Variants in GMDS observed in about 807,000 individuals in gnomAD.
The protein encoded by GMDS is GDP-mannose 4,6-dehydratase.
A neutral mutation model predicts 49.9 loss-of-function variants in GMDS; 20 were observed. The ratio of observed to expected loss-of-function variants is 0.40; its 90% CI spans 0.28 to 0.58. GMDS has a LOEUF of 0.58. GMDS is among the 20% of genes least tolerant of loss of function. The pLI is 0.42. For missense variants in GMDS, 362 were observed against 481.4 expected (o/e 0.75, Z 2.32); for synonymous variants, 177 against 178.6 (o/e 0.99, Z 0.07).
intron 1 of GMDS, among the ~76,000 whole-genome samples, chr6:2,163,403 C>A (rs1183530575): frequency 1.3e-5 from 2 of 149,884 alleles, no homozygotes; most frequent in Admixed American, 1.3e-4. Context: ...ACTGGACCAA[C>A]AACATGTGTG....
At chr6:2,165,643 A>G (rs1200484900) in intron 1 of GMDS, among the ~76,000 whole-genome samples, 4 of 152,254 alleles carry the variant, frequency 2.6e-5, no homozygotes, top group South Asian at 4.1e-4. Flanking sequence ...CACATAGCAT[A>G]GTATGTTTAT....
intron 9 of GMDS, among the ~76,000 whole-genome samples, chr6:1,684,474 G>A (rs760690357): frequency 1.1e-4 from 17 of 152,148 alleles, no homozygotes; most frequent in Non-Finnish European, 2.2e-4. Flanking sequence ...ACGGCTGTGC[G>A]GCAATGCATC....
intron 7 of GMDS, among the ~76,000 whole-genome samples, chr6:1,918,563 T>C (rs1484838978): frequency 6.6e-6 from 1 of 151,072 alleles, no homozygotes; most frequent in Non-Finnish European, 1.5e-5. Flanking sequence ...CTGGGCAACA[T>C]AGGGAGGCCT....
chr6:1,718,898 T>C (rs1766268810), intron 9 of GMDS, among the ~76,000 whole-genome samples: 1 of 152,122 alleles, frequency 6.6e-6, no homozygotes, highest in Non-Finnish European at 1.5e-5. Flanking sequence ...ATTCCTGTAA[T>C]AAATCCTAAA....
chr6:2,014,270 A>C (rs1482318179), intron 4 of GMDS, among the ~76,000 whole-genome samples: 2 of 151,806 alleles, frequency 1.3e-5, no homozygotes, highest in African/African-American at 2.4e-5. Flanking sequence ...CAAAAACAAC[A>C]ACCATAAAAA....
At chr6:1,756,561 CA>C (rs1177841525) in intron 7 of GMDS, among the ~76,000 whole-genome samples, 1 of 152,200 alleles carries the variant, frequency 6.6e-6, no homozygotes, top group Admixed American at 6.5e-5. Flanking sequence ...CATGAGCCAC[CA>C]TGCCCGGCTG....
chr6:2,226,954 C>T (rs78849954), intron 1 of GMDS, among the ~76,000 whole-genome samples: 12,016 of 152,172 alleles, frequency 0.079, 674 homozygotes, highest in Non-Finnish European at 0.13. Context: ...AGTTCCATAT[C>T]CAACTCAAGG....
At chr6:1,690,817 TCTCAAAC>T (rs1333411087) in intron 9 of GMDS, among the ~76,000 whole-genome samples, 2 of 152,192 alleles carry the variant, frequency 1.3e-5, no homozygotes, top group African/African-American at 4.8e-5. Context: ...TGAGATACCA[TCTCAAAC>T]CAGTCAGAAT....
At chr6:2,058,697 C>A (rs2127444569) in intron 4 of GMDS, among the ~76,000 whole-genome samples, 1 of 152,254 alleles carries the variant, frequency 6.6e-6, no homozygotes, top group Non-Finnish European at 1.5e-5. Flanking sequence ...CAGCAGAGAT[C>A]AACGGAGTCA....
chr6:1,819,170 A>C (rs1770787561), intron 7 of GMDS, among the ~76,000 whole-genome samples: 1 of 152,144 alleles, frequency 6.6e-6, no homozygotes, highest in Non-Finnish European at 1.5e-5. Flanking sequence ...AGGTTGAAAA[A>C]CAGACTCATC....
intron 1 of GMDS, among the ~76,000 whole-genome samples, chr6:2,177,427 C>T (rs948194351): frequency 6.6e-5 from 10 of 152,098 alleles, no homozygotes; most frequent in Non-Finnish European, 1.2e-4. Context: ...CCCTGATAAA[C>T]AGACATAAAA....
chr6:1,880,369 G>C (rs1467649227), intron 7 of GMDS, among the ~76,000 whole-genome samples: 2 of 151,736 alleles, frequency 1.3e-5, no homozygotes, highest in African/African-American at 2.4e-5. Flanking sequence ...GAGGTGGAAG[G>C]ACTTCTTGAG....
chr6:1,776,095 G>T (rs1323266105), intron 7 of GMDS, among the ~76,000 whole-genome samples: 6 of 152,116 alleles, frequency 3.9e-5, no homozygotes, highest in Non-Finnish European at 8.8e-5. Flanking sequence ...GAGACTCAGT[G>T]CCTGCATCAA....
chr6:1,912,268 A>G (rs1761104924), intron 7 of GMDS, among the ~76,000 whole-genome samples: 1 of 152,178 alleles, frequency 6.6e-6, no homozygotes, highest in Non-Finnish European at 1.5e-5. Flanking sequence ...TGGGAGGCTG[A>G]GGCACGACAA....
chr6:1,821,891 G>A (rs973057386), intron 7 of GMDS, among the ~76,000 whole-genome samples: 1 of 152,096 alleles, frequency 6.6e-6, no homozygotes, highest in Non-Finnish European at 1.5e-5. Flanking sequence ...TGTTTCCAGT[G>A]CAATGCTGGT....
At chr6:1,628,143 G>A (rs985617231) in intron 9 of GMDS, among the ~76,000 whole-genome samples, 3 of 152,194 alleles carry the variant, frequency 2.0e-5, no homozygotes, top group Non-Finnish European at 4.4e-5. Context: ...CCATTTTTTA[G>A]GCTTTCCTGG....
chr6:1,961,761 TC>T (rs1201425802), intron 4 of GMDS, among the ~76,000 whole-genome samples: 1 of 152,212 alleles, frequency 6.6e-6, no homozygotes, highest in Non-Finnish European at 1.5e-5. Context: ...CAAACAGGCT[TC>T]CCCTGCTGCC....
intron 9 of GMDS, among the ~76,000 whole-genome samples, chr6:1,680,463 C>T (rs1360266424): frequency 6.6e-6 from 1 of 152,076 alleles, no homozygotes; most frequent in Non-Finnish European, 1.5e-5. Context: ...CCTCTTATAC[C>T]TCTGCCTTCC....
Position 1,871,058 on chromosome 6 carries a change from G to GCACACA in GMDS, c.771+59039_771+59044dup, listed in dbSNP as rs3839602. On this transcript the variant is annotated intron_variant, in intron 7 of 10. Coordinates refer to ENST00000380815, the MANE Select transcript of GMDS (RefSeq NM_001500.4). Reference sequence around the variant, plus strand: ...CACCCATCCATATCACTATCCCCCAGCACACACACACACACACACACACAC... The same window carrying GCACACA: ...CACCCATCCATATCACTATCCCCCAGCACACACACACACACACACACACACACACAC... 8.2e-3 allele frequency among the ~76,000 whole-genome samples: 1,205 copies of GCACACA among 147,194 alleles called. 8 individuals are homozygous for GCACACA. The highest frequency in any genetic ancestry group is 0.012 in the South Asian group (56 of 4,560).
Sources: gnomAD v4.1 joint callset for allele counts (sites outside exome capture counted in the v4.1 genomes callset) on GRCh38, gnomAD v4.1.1 for gene constraint, MANE v1.5 for transcripts, NCBI Gene and HGNC (gene_info 2026-07-23, HGNC 2026-07-21) for gene names.